The following SFXN5 variants were observed in gnomAD, a reference collection of about 807,000 sequenced individuals.
SFXN5 encodes the protein sideroflexin-5.
SFXN5 carries 43 observed loss-of-function variants against 50.2 expected under a neutral mutation model. That is an observed-to-expected ratio of 0.86 (90% CI 0.67 to 1.11). The LOEUF (loss-of-function observed/expected upper bound fraction) is 1.11, where lower values mean the gene tolerates loss of function less well. Among genes scored for constraint, SFXN5 ranks in the 50% least tolerant of loss-of-function variants. The probability of loss-of-function intolerance (pLI) is 0.00; values close to 1 mark genes in which losing one functional copy is unlikely to be tolerated. For missense variants in SFXN5, 463 were observed against 454.1 expected (o/e 1.02, Z -0.18); for synonymous variants, 203 against 185.8 (o/e 1.09, Z -0.75).
intron 1 of SFXN5, among the ~76,000 whole-genome samples, chr2:73,061,306 TC>T (rs1472529963): frequency 5.2e-4 from 62 of 118,132 alleles, no homozygotes; most frequent in African/African-American, 1.3e-3. Context: ...AGACTCTGTC[TC>T]AAAAAAAAAA....
chr2:73,015,892 C>T (rs1205176802), intron 6 of SFXN5, among the ~76,000 whole-genome samples: 9 of 150,844 alleles, frequency 6.0e-5, no homozygotes, highest in African/African-American at 1.9e-4. Context: ...GGGCCATGAT[C>T]GCATCACTGC....
At chr2:73,005,723 A>G (rs185042661) in intron 6 of SFXN5, among the ~76,000 whole-genome samples, 43 of 152,190 alleles carry the variant, frequency 2.8e-4, no homozygotes, top group Middle Eastern at 3.4e-3. Flanking sequence ...CCCTCAGAGA[A>G]CAGAGCTCTG....
chr2:73,053,759 C>G (rs930889492), intron 2 of SFXN5, among the ~76,000 whole-genome samples: 1 of 152,178 alleles, frequency 6.6e-6, no homozygotes, highest in East Asian at 1.9e-4. Context: ...CTTCTGGACC[C>G]CCCAGCTTCC....
chr2:73,013,980 T>A (rs1675856831), intron 6 of SFXN5, among the ~76,000 whole-genome samples: 1 of 152,164 alleles, frequency 6.6e-6, no homozygotes, highest in South Asian at 2.1e-4. Flanking sequence ...CTTTGCATAT[T>A]TTTTAACATT....
Position 72,961,216 on chromosome 2 carries a change from A to G in SFXN5, c.860T>C (p.Leu287Pro). 1.3e-6 allele frequency: 2 copies of G among 1,545,032 alleles called. No individual in the cohort carries two copies. The highest frequency in any genetic ancestry group is 1.7e-6 in the Non-Finnish European group (2 of 1,152,168). The change falls in exon 13 of 14, where the codon CTC becomes CCC. Residue 287 changes from leucine to proline, a missense_variant. Coordinates refer to ENST00000272433, the MANE Select transcript of SFXN5 (RefSeq NM_144579.3). The surrounding 1 kb of genome is among the most constrained non-coding windows in gnomAD (Gnocchi z 4.4). Reference sequence around the variant, plus strand: ...GCACACGAGGCTTTGCACAGGGAGGAGCAGCCGGGGGCGTGCCTGCAGGAG... The same window carrying G: ...GCACACGAGGCTTTGCACAGGGAGGGGCAGCCGGGGGCGTGCCTGCAGGAG... ...TALLQARPRL[L>P]LPVQSLVCLA...
rs565313193 is a variant in SFXN5, at chr2:73,018,151, T to C, written c.357+2088A>G. On this transcript the variant is annotated intron_variant, in intron 6 of 13. Transcript: ENST00000272433. ...TGAGCCCAGGAGTTTGAGGCTCCAG[T>C]GAGCCATGATCCTGCCACTGCACTC... 3.3e-5 allele frequency among the ~76,000 whole-genome samples: 5 copies of C among 150,966 alleles called. 1 individual carries two copies. In the East Asian group the frequency reaches 9.7e-4, roughly 29 times the overall value.
chr2:72,957,560 C>T (rs1181451165), intron 13 of SFXN5, among the ~76,000 whole-genome samples: 2 of 152,216 alleles, frequency 1.3e-5, no homozygotes, highest in African/African-American at 4.8e-5. Flanking sequence ...ATTGGTGTTC[C>T]AGTGATTACT....
chr2:72,983,199 G>A (rs993570669), intron 10 of SFXN5, among the ~76,000 whole-genome samples: 4 of 152,194 alleles, frequency 2.6e-5, no homozygotes, highest in East Asian at 1.9e-4. Flanking sequence ...ATGAAGACCC[G>A]TGTGGCCTTG....
In SFXN5 at chr2:72,961,858, G is replaced by A. The variant is rs1332154111; in HGVS notation, c.828-610C>T. On this transcript the variant is annotated intron_variant, in intron 12 of 13. Coordinates refer to ENST00000272433, the MANE Select transcript of SFXN5 (RefSeq NM_144579.3). This position sits in a 1 kb window ranked among gnomAD's most constrained non-coding sequence, Gnocchi z 4.4. ...TCCAAGGCCAAGTCTGCAGGAGGCT[G>A]TCAGAGCTGCTGCCTGGACCCCTGG... 6.6e-6 allele frequency among the ~76,000 whole-genome samples: 1 copy of A among 152,208 alleles called. No homozygotes were observed. Among genetic ancestry groups the A allele is most frequent in the African/African-American group, 2.4e-5 (1 of 41,444 alleles).
chr2:73,047,199 CAG>C (rs1161590438), intron 2 of SFXN5, among the ~76,000 whole-genome samples: 20 of 96,742 alleles, frequency 2.1e-4, no homozygotes, highest in Non-Finnish European at 3.7e-4. Flanking sequence ...GCCTGGGTGA[CAG>C]AGTGAGACTC....
intron 3 of SFXN5, among the ~76,000 whole-genome samples, chr2:73,023,583 C>T (rs1284606738): frequency 6.6e-6 from 1 of 152,226 alleles, no homozygotes; most frequent in Non-Finnish European, 1.5e-5. Context: ...GAAGATACTT[C>T]AATTGTCTCC....
At chr2:72,985,522 A>G (rs1382867898) in intron 10 of SFXN5, among the ~76,000 whole-genome samples, 1 of 134,834 alleles carries the variant, frequency 7.4e-6, no homozygotes, top group Admixed American at 8.1e-5. Context: ...CCACTTGCAG[A>G]TGAGAGCGAT....
rs1370771873 is a variant in SFXN5 at position 72,961,165 on chromosome 2, G to T, written c.911C>A (p.Pro304Gln). The change falls in exon 13 of 14, where the codon CCG becomes CAG. Residue 304 changes from proline (P) to glutamine (Q), a missense_variant. Transcript: ENST00000272433. The surrounding 1 kb of genome is among the most constrained non-coding windows in gnomAD (Gnocchi z 4.4). Reference sequence around the variant, plus strand: ...TTGCGGGAAGAGGCTGATGGCCAGCGGCAGGGCCAGGCCGAAGGCTGCCAG... The same window carrying T: ...TTGCGGGAAGAGGCTGATGGCCAGCTGCAGGGCCAGGCCGAAGGCTGCCAG... ...VCLAAFGLAL[P>Q]LAISLFPQMS... The T allele has an allele frequency of 1.3e-6, 2 of 1,579,516 alleles. No homozygotes were observed. Among genetic ancestry groups the T allele is most frequent in the Non-Finnish European group, 8.6e-7 (1 of 1,165,186 alleles).
At chr2:73,061,872 T>C (rs981653286) in intron 1 of SFXN5, among the ~76,000 whole-genome samples, 5 of 152,150 alleles carry the variant, frequency 3.3e-5, no homozygotes, top group African/African-American at 1.2e-4. Flanking sequence ...TCCCAGCTAC[T>C]TGGGAGGCTG....
At chr2:73,010,376 T>G (rs1675349558) in intron 6 of SFXN5, among the ~76,000 whole-genome samples, 1 of 152,168 alleles carries the variant, frequency 6.6e-6, no homozygotes, top group African/African-American at 2.4e-5. Context: ...TTCTCCTCTC[T>G]GGAATGTGAA....
chr2:72,949,446 A>G (rs1672294703), intron 13 of SFXN5, among the ~76,000 whole-genome samples: 1 of 152,206 alleles, frequency 6.6e-6, no homozygotes, highest in South Asian at 2.1e-4. Flanking sequence ...CTAGGACTAC[A>G]GGCACATGCC....
Position 72,976,230 on chromosome 2 carries a change from C to T in SFXN5, c.626-4545G>A, listed in dbSNP as rs1488089716. 2.0e-5 allele frequency among the ~76,000 whole-genome samples: 3 copies of T among 151,854 alleles called. No homozygotes were observed. In the East Asian group the frequency reaches 5.8e-4, roughly 29 times the overall value. ...TTGAAAGACTTCCACTTTTTTACAC[C>T]AGAATTTTCTATAATATTTAAATTT... On this transcript the variant is annotated intron_variant, in intron 10 of 13. Coordinates refer to ENST00000272433, the MANE Select transcript of SFXN5 (RefSeq NM_144579.3).
chr2:72,982,966 G>T (rs1671499507), intron 10 of SFXN5, among the ~76,000 whole-genome samples: 1 of 152,252 alleles, frequency 6.6e-6, no homozygotes. Context: ...AAGCACCACT[G>T]ACCTTGATGG....
Position 72,968,452 on chromosome 2 carries a change from C to T in SFXN5, c.823G>A (p.Glu275Lys). ...ATCCTGGCTGCCCCAACTCACTTCT[C>T]CAGCATGGACATGACGATCGGGGGT... is the stretch of plus-strand genomic sequence containing the variant. Reference protein sequence around the residue: ...VLPPIVMSMLEKTALLQARPR... With the variant: ...VLPPIVMSMLKKTALLQARPR... Residue 275 changes from glutamate to lysine, a missense_variant, in exon 12 of 14, where the codon GAG (glutamate) becomes AAG (lysine). Transcript: ENST00000272433. 6.2e-7 allele frequency: 1 copy of T among 1,612,178 alleles called. No individual in the cohort carries two copies. Among genetic ancestry groups the T allele is most frequent in the Non-Finnish European group, 8.5e-7 (1 of 1,179,512 alleles).
Sources: allele counts gnomAD v4.1 joint callset (sites outside exome capture counted in the v4.1 genomes callset), GRCh38; gene constraint gnomAD v4.1.1; non-coding constraint Gnocchi (gnomAD v3.1); transcripts MANE v1.5; gene names NCBI Gene and HGNC (gene_info 2026-07-23, HGNC 2026-07-21).